Variants in CTNNBIP1 observed in about 807,000 individuals in gnomAD.
CTNNBIP1 encodes the protein catenin beta interacting protein 1.
Under a neutral mutation model 11.8 loss-of-function variants are expected in CTNNBIP1, and 7 were observed. The ratio of observed to expected loss-of-function variants is 0.60; its 90% CI spans 0.34 to 1.12. The LOEUF is 1.12. Ranked by LOEUF, CTNNBIP1 falls within the 50% of genes most tolerant of loss-of-function variation. The pLI is 0.03. For synonymous variants in CTNNBIP1, 58 were observed against 43.9 expected, an observed-to-expected ratio of 1.32 and a Z score of -1.26; for missense variants, 101 against 113.4, an observed-to-expected ratio of 0.89 and a Z score of 0.50.
chr1:9,855,228 C>T (rs1638475870), intron 5 of CTNNBIP1, among the ~76,000 whole-genome samples: 2 of 148,678 alleles, frequency 1.3e-5, no homozygotes, highest in East Asian at 1.9e-4. Flanking sequence ...ATCAAAATCC[C>T]TTTCTTGGGG....
intron 5 of CTNNBIP1, among the ~76,000 whole-genome samples, chr1:9,860,398 C>G (rs1016342141): frequency 2.1e-5 from 3 of 144,480 alleles, no homozygotes; most frequent in African/African-American, 7.8e-5. Flanking sequence ...CAAGACCAGC[C>G]TGGCCAACAT....
chr1:9,907,027 C>G (rs1190998166), intron 1 of CTNNBIP1, among the ~76,000 whole-genome samples: 1 of 152,124 alleles, frequency 6.6e-6, no homozygotes, highest in Non-Finnish European at 1.5e-5. Context: ...TTCAAAAGAG[C>G]CAGCTTCTAG....
chr1:9,860,670 C>T (rs1204228662), intron 5 of CTNNBIP1, among the ~76,000 whole-genome samples: 1 of 151,860 alleles, frequency 6.6e-6, no homozygotes, highest in Non-Finnish European at 1.5e-5. Flanking sequence ...GGCCCAGCTC[C>T]CCACAACCAT....
intron 1 of CTNNBIP1, among the ~76,000 whole-genome samples, chr1:9,894,797 G>A (rs1301561527): frequency 3.3e-5 from 5 of 152,072 alleles, no homozygotes; most frequent in Non-Finnish European, 5.9e-5. Flanking sequence ...CTGGAGTGCA[G>A]TGGTGTGATC....
intron 5 of CTNNBIP1, among the ~76,000 whole-genome samples, chr1:9,857,283 A>G (rs1323695417): frequency 6.6e-6 from 1 of 150,914 alleles, no homozygotes; most frequent in Admixed American, 6.6e-5. Context: ...GATCAAGACC[A>G]TCCTGGCTAA....
chr1:9,897,912 A>C (rs1639443513), intron 1 of CTNNBIP1, among the ~76,000 whole-genome samples: 1 of 151,996 alleles, frequency 6.6e-6, no homozygotes, highest in East Asian at 1.9e-4. Flanking sequence ...CAGGGTTAGG[A>C]GTTCAAGACC....
chr1:9,874,950 G>A (rs1022387865), intron 3 of CTNNBIP1, among the ~76,000 whole-genome samples: 1 of 152,198 alleles, frequency 6.6e-6, no homozygotes, highest in Admixed American at 6.5e-5. Flanking sequence ...GGGCTTCCAA[G>A]AGTAAAAACC....
intron 1 of CTNNBIP1, among the ~76,000 whole-genome samples, chr1:9,891,541 G>A (rs1415492111): frequency 1.3e-5 from 2 of 152,194 alleles, no homozygotes; most frequent in African/African-American, 4.8e-5. Flanking sequence ...GCCCCCGGAA[G>A]CAGCCCCCTC....
intron 5 of CTNNBIP1, among the ~76,000 whole-genome samples, chr1:9,858,928 A>C (rs887822932): frequency 6.6e-6 from 1 of 152,198 alleles, no homozygotes; most frequent in African/African-American, 2.4e-5. Context: ...AGACCTCTCC[A>C]GTCACCCACA....
At chr1:9,900,408 C>T (rs1639499454) in intron 1 of CTNNBIP1, among the ~76,000 whole-genome samples, 1 of 152,148 alleles carries the variant, frequency 6.6e-6, no homozygotes, top group Non-Finnish European at 1.5e-5. Context: ...AAGTGGAATG[C>T]GGTCAGATGA....
At chr1:9,860,737 C>T (rs1486531391) in intron 5 of CTNNBIP1, among the ~76,000 whole-genome samples, 2 of 152,096 alleles carry the variant, frequency 1.3e-5, no homozygotes, top group African/African-American at 4.8e-5. Flanking sequence ...CTGAAATCCT[C>T]ACCACCCCTC....
intron 1 of CTNNBIP1, among the ~76,000 whole-genome samples, chr1:9,895,010 C>A (rs564269134): frequency 1.6e-3 from 235 of 151,050 alleles, no homozygotes; most frequent in Non-Finnish European, 2.5e-3. Flanking sequence ...CAGGTTCACA[C>A]CATTCTCCTG....
At chr1:9,896,921 C>T (rs1319218551) in intron 1 of CTNNBIP1, among the ~76,000 whole-genome samples, 3 of 149,386 alleles carry the variant, frequency 2.0e-5, no homozygotes, top group African/African-American at 5.0e-5. Flanking sequence ...GAGCCGAGAT[C>T]GTGCCACTGC....
At chr1:9,906,676 CAAGG>C (rs1639626995) in intron 1 of CTNNBIP1, among the ~76,000 whole-genome samples, 1 of 152,168 alleles carries the variant, frequency 6.6e-6, no homozygotes, top group African/African-American at 2.4e-5. Context: ...GCAGATCCAT[CAAGG>C]AAGGGCTGCC....
chr1:9,879,660 G>A (rs1243919515), intron 2 of CTNNBIP1, among the ~76,000 whole-genome samples: 1 of 152,104 alleles, frequency 6.6e-6, no homozygotes. Flanking sequence ...AGGAACCCTG[G>A]GGAACTTTCC....
At chr1:9,904,307 G>A (rs544476177) in intron 1 of CTNNBIP1, among the ~76,000 whole-genome samples, 5 of 147,418 alleles carry the variant, frequency 3.4e-5, no homozygotes, top group African/African-American at 1.1e-4. Flanking sequence ...CAGGTTAGCA[G>A]AGCAAGTGGC....
At chr1:9,890,893 A>G (rs1307622631) in intron 1 of CTNNBIP1, among the ~76,000 whole-genome samples, 1 of 152,116 alleles carries the variant, frequency 6.6e-6, no homozygotes, top group South Asian at 2.1e-4. Context: ...TCAGGAAGGG[A>G]CCACTTCCAG....
intron 1 of CTNNBIP1, among the ~76,000 whole-genome samples, chr1:9,887,685 G>T (rs1261262373): frequency 6.7e-6 from 1 of 149,868 alleles, no homozygotes; most frequent in Non-Finnish European, 1.5e-5. Flanking sequence ...CCTGGCAAAA[G>T]AGCAAGATTC....
chr1:9,874,764 C>T (rs1638930542), intron 3 of CTNNBIP1, among the ~76,000 whole-genome samples: 1 of 152,220 alleles, frequency 6.6e-6, no homozygotes, highest in Non-Finnish European at 1.5e-5. Flanking sequence ...CTGCAATATC[C>T]ACACCCATCT....
Sources: gnomAD v4.1 joint callset for allele counts (sites outside exome capture counted in the v4.1 genomes callset) on GRCh38, gnomAD v4.1.1 for gene constraint, MANE v1.5 for transcripts, NCBI Gene and HGNC (gene_info 2026-07-23, HGNC 2026-07-21) for gene names.